The following MYCT1 variants were observed in gnomAD, a reference collection of about 807,000 sequenced individuals.
MYCT1 encodes the protein MYC target 1, also known as myc target protein 1.
MYCT1 carries 12 observed loss-of-function variants against 15.0 expected under a neutral mutation model. The ratio of observed to expected loss-of-function variants is 0.80; its 90% CI spans 0.51 to 1.29. The LOEUF is 1.29. Ranked by LOEUF, MYCT1 falls within the 50% of genes most tolerant of loss-of-function variation. MYCT1 has a pLI of 0.00. For missense variants in MYCT1, 287 were observed against 279.1 expected (o/e 1.03, Z -0.20); for synonymous variants, 104 against 102.7 (o/e 1.01, Z -0.07).
rs1473562147 is a variant in MYCT1 at position 152,722,329 on chromosome 6, A to AT, written c.*76_*77insT. 1 of 1,450,660 alleles carries AT rather than the reference A, an allele frequency of 6.9e-7. No homozygotes were observed. Among genetic ancestry groups the AT allele is most frequent in the Non-Finnish European group, 9.2e-7 (1 of 1,086,566 alleles). 89.9% of individuals were successfully genotyped at this position (1,450,660 alleles called of 1,614,324 possible). On this transcript the variant is annotated 3_prime_UTR_variant, in exon 2 of 2. Coordinates refer to ENST00000367245, the MANE Select transcript of MYCT1 (RefSeq NM_025107.3). ...AGGAAATCAAAAATAGGCTAAACAG[A>AT]ATTTTGAGGGCATGGCCCAAATAAC...
At chr6:152,725,335 A>G (rs966267171), downstream of MYCT1, among the ~76,000 whole-genome samples, 35 of 152,364 alleles carry the variant, frequency 2.3e-4, no homozygotes, top group African/African-American at 8.2e-4. Flanking sequence ...AATTCACCAA[A>G]GAGAAAAATT....
chr6:152,738,576 T>C, the MYCT1 span, among the ~76,000 whole-genome samples: 3 of 152,146 alleles, frequency 2.0e-5, no homozygotes, highest in Non-Finnish European at 4.4e-5. Flanking sequence ...AATTAACTTC[T>C]TTATACCATA....
downstream of MYCT1, among the ~76,000 whole-genome samples, chr6:152,728,195 A>C (rs908973725): frequency 8.6e-5 from 13 of 151,928 alleles, no homozygotes; most frequent in African/African-American, 2.9e-4. Context: ...AGCAGGCTTC[A>C]TAGGTAAGCC....
At chr6:152,740,840 G>A in the MYCT1 span, among the ~76,000 whole-genome samples, 2 of 152,042 alleles carry the variant, frequency 1.3e-5, no homozygotes, top group Admixed American at 6.6e-5. Flanking sequence ...TTAGCCATAA[G>A]CACATTCTTA....
At chr6:152,730,793 C>T in the MYCT1 span, among the ~76,000 whole-genome samples, 4 of 152,000 alleles carry the variant, frequency 2.6e-5, no homozygotes, top group African/African-American at 9.7e-5. Context: ...CAATAACTTG[C>T]TGAAAAGATT....
At chr6:152,717,992 A>T (rs2099724044) in intron 1 of MYCT1, among the ~76,000 whole-genome samples, 2 of 152,264 alleles carry the variant, frequency 1.3e-5, no homozygotes, top group South Asian at 4.1e-4. Context: ...TAAATTCATT[A>T]TTTAATCCTT....
the MYCT1 span, among the ~76,000 whole-genome samples, chr6:152,732,605 T>C: frequency 1.3e-5 from 2 of 152,228 alleles, no homozygotes; most frequent in African/African-American, 4.8e-5. Context: ...CAGATTCTTT[T>C]AATTTTGAAA....
intron 1 of MYCT1, among the ~76,000 whole-genome samples, chr6:152,700,786 C>T (rs563318062): frequency 2.0e-4 from 30 of 152,216 alleles, no homozygotes; most frequent in African/African-American, 5.8e-4. Flanking sequence ...CTGTAGAAGA[C>T]GTAGTTTTGG....
the MYCT1 span, among the ~76,000 whole-genome samples, chr6:152,732,698 C>T: frequency 6.6e-6 from 1 of 152,266 alleles, no homozygotes; most frequent in East Asian, 1.9e-4. Context: ...TTATTTATTA[C>T]AGCAAGTGGC....
At chr6:152,707,545 G>A (rs2099722500) in intron 1 of MYCT1, among the ~76,000 whole-genome samples, 1 of 151,762 alleles carries the variant, frequency 6.6e-6, no homozygotes, top group African/African-American at 2.4e-5. Flanking sequence ...TTTTTCCTGT[G>A]CTGTCATATG....
rs1379416701 is a variant in MYCT1, at chr6:152,708,855, T to TCACTACTATACTTAAGGGATAC, written c.196+10757_196+10758insCACTACTATACTTAAGGGATAC. ...TGTTTCACCTGAAAGAGTATTTATT[T>TCACTACTATACTTAAGGGATAC]TTTTATTTTTTTTTTTATTATACTC... On this transcript the variant is annotated intron_variant, in intron 1 of 1. Coordinates refer to ENST00000367245, the MANE Select transcript of MYCT1 (RefSeq NM_025107.3). Among the ~76,000 whole-genome samples, 33 of 70,020 alleles carry TCACTACTATACTTAAGGGATAC rather than the reference T, an allele frequency of 4.7e-4. 1 individual carries two copies. Among genetic ancestry groups the TCACTACTATACTTAAGGGATAC allele is most frequent in the Non-Finnish European group, 6.2e-4 (19 of 30,430 alleles). 45.9% of individuals were successfully genotyped at this position (70,020 alleles called of 152,430 possible).
intron 1 of MYCT1, among the ~76,000 whole-genome samples, chr6:152,707,763 C>T (rs1249811070): frequency 6.6e-6 from 1 of 151,992 alleles, no homozygotes; most frequent in African/African-American, 2.4e-5. Flanking sequence ...ATAATTTCCC[C>T]ATTGTGCATT....
chr6:152,699,746 TAAAA>T (rs965939819), intron 1 of MYCT1, among the ~76,000 whole-genome samples: 2 of 152,070 alleles, frequency 1.3e-5, no homozygotes, highest in Non-Finnish European at 2.9e-5. Flanking sequence ...CAGGTTTACT[TAAAA>T]AAACAAATCA....
downstream of MYCT1, among the ~76,000 whole-genome samples, chr6:152,727,756 T>C (rs1212370873): frequency 6.6e-6 from 1 of 152,212 alleles, no homozygotes; most frequent in African/African-American, 2.4e-5. Flanking sequence ...CCAATGGCTG[T>C]CACTCTGACA....
the MYCT1 span, among the ~76,000 whole-genome samples, chr6:152,739,170 C>T: frequency 9.9e-5 from 15 of 151,310 alleles, no homozygotes; most frequent in Non-Finnish European, 1.8e-4. Context: ...TTGGTTTCTT[C>T]GTTGCCAAAT....
chr6:152,743,900 A>T, the MYCT1 span, among the ~76,000 whole-genome samples: 15 of 152,356 alleles, frequency 9.8e-5, no homozygotes, highest in East Asian at 2.9e-3. Flanking sequence ...ATTAGAATAT[A>T]TGATTAAGAA....
rs187319446 is a variant in MYCT1 at position 152,713,073 on chromosome 6, T to C, written c.197-8669T>C. 8.7e-4 allele frequency among the ~76,000 whole-genome samples: 132 copies of C among 152,176 alleles called. 1 individual carries two copies. Among genetic ancestry groups the C allele is most frequent in the African/African-American group, 3.0e-3 (124 of 41,562 alleles). On this transcript the variant is annotated intron_variant, in intron 1 of 1. Transcript: ENST00000367245. ...TATTTTTATATAGTTCCACAAGGCC[T>C]AGAGGCTTGCTTTTTCCCCCCAATA...
At chr6:152,702,803 T>C (rs1422227555) in intron 1 of MYCT1, among the ~76,000 whole-genome samples, 5 of 152,228 alleles carry the variant, frequency 3.3e-5, no homozygotes, top group Admixed American at 3.3e-4. Flanking sequence ...GTCTATTCAT[T>C]AGTTCCCCTA....
the MYCT1 span, among the ~76,000 whole-genome samples, chr6:152,736,607 G>C: frequency 1.3e-5 from 2 of 151,934 alleles, no homozygotes; most frequent in South Asian, 2.1e-4. Flanking sequence ...CTGAAAACAG[G>C]GTTTGCATTT....
Sources: allele counts gnomAD v4.1 joint callset (sites outside exome capture counted in the v4.1 genomes callset), GRCh38; gene constraint gnomAD v4.1.1; transcripts MANE v1.5; gene names NCBI Gene and HGNC (gene_info 2026-07-23, HGNC 2026-07-21).